CALCR: variants seen among roughly 807,000 people sequenced by gnomAD.
The protein encoded by CALCR is calcitonin receptor.
CALCR carries 47 observed loss-of-function variants against 59.5 expected under a neutral mutation model. The ratio of observed to expected loss-of-function variants is 0.79; its 90% confidence interval spans 0.63 to 1.01. The LOEUF is 1.01. CALCR is among the 50% of genes least tolerant of loss of function. CALCR has a pLI of 0.00. For missense variants in CALCR, 566 were observed against 597.1 expected (o/e 0.95, Z 0.54); for synonymous variants, 213 against 211.3 (o/e 1.01, Z -0.07).
At chr7:93,517,308 T>TTTTTTTTTCTTTTTTC (rs1801670009) in intron 2 of CALCR, among the ~76,000 whole-genome samples, 2 of 151,726 alleles carry the variant, frequency 1.3e-5, no homozygotes, top group African/African-American at 4.8e-5. Flanking sequence ...TGAGAACTTT[T>TTTTTTTTTCTTTTTTC]TTTTTTTAAT....
chr7:93,505,117 G>T (rs1801399011), intron 2 of CALCR, among the ~76,000 whole-genome samples: 1 of 151,760 alleles, frequency 6.6e-6, no homozygotes, highest in African/African-American at 2.4e-5. Flanking sequence ...TGCAATTCAA[G>T]CATATTTTCA....
At chr7:93,459,710 T>A (rs934854021) in intron 8 of CALCR, among the ~76,000 whole-genome samples, 1 of 152,108 alleles carries the variant, frequency 6.6e-6, no homozygotes. Flanking sequence ...GCAGCCAGGA[T>A]TGGAAATCAC....
intron 6 of CALCR, among the ~76,000 whole-genome samples, chr7:93,470,290 T>C (rs1442452803): frequency 2.0e-5 from 3 of 151,134 alleles, no homozygotes; most frequent in African/African-American, 7.3e-5. Context: ...CACACTCACC[T>C]ATCTTTTCTC....
At chr7:93,453,728 C>A (rs548226285) in intron 8 of CALCR, among the ~76,000 whole-genome samples, 1 of 151,784 alleles carries the variant, frequency 6.6e-6, no homozygotes, top group Non-Finnish European at 1.5e-5. Flanking sequence ...CCACCAAGAT[C>A]GGCCAAATGA....
At chr7:93,490,560 G>T (rs150293588) in intron 2 of CALCR, among the ~76,000 whole-genome samples, 3 of 151,596 alleles carry the variant, frequency 2.0e-5, no homozygotes, top group South Asian at 4.2e-4. Flanking sequence ...CAGCAAAGTC[G>T]CAGGATAAAA....
intron 2 of CALCR, among the ~76,000 whole-genome samples, chr7:93,529,608 C>G (rs572113419): frequency 3.6e-4 from 55 of 152,116 alleles, no homozygotes; most frequent in South Asian, 2.9e-3. Context: ...AGCCTATAGA[C>G]GTCAGATAGC....
chr7:93,486,935 A>T lies in CALCR; in HGVS notation c.47T>A (p.Leu16Gln). ...TSRCLALFLLLNHPTPILPAF... is the reference protein window; with the variant it reads ...TSRCLALFLLQNHPTPILPAF... Reference sequence around the variant, plus strand: ...GAATACTTTTGTTTTACTTACATTTAGAAGAAGAAACAGTGCCAAGCACCG... The same window carrying T: ...GAATACTTTTGTTTTACTTACATTTTGAAGAAGAAACAGTGCCAAGCACCG... The change falls in exon 3 of 14, where the codon CTA becomes CAA. Residue 16 changes from leucine to glutamine, a missense_variant. By Grantham distance (113) the Leu-to-Gln change is moderately radical (BLOSUM62 -2). Transcript: ENST00000426151. The T allele has an allele frequency of 6.3e-7, 1 of 1,576,668 alleles. No homozygotes were observed. Among genetic ancestry groups the T allele is most frequent in the East Asian group, 2.3e-5 (1 of 44,394 alleles).
intron 2 of CALCR, among the ~76,000 whole-genome samples, chr7:93,542,973 T>A (rs937147445): frequency 6.7e-6 from 1 of 150,274 alleles, no homozygotes; most frequent in African/African-American, 2.4e-5. Context: ...TTTTTTTTTT[T>A]AAGTAAGTAG....
intron 13 of CALCR, among the ~76,000 whole-genome samples, chr7:93,428,642 T>C (rs1422576290): frequency 1.3e-5 from 2 of 151,826 alleles, no homozygotes; most frequent in Non-Finnish European, 2.9e-5. Context: ...CTACTAAAAA[T>C]ACTAAGAATT....
At chr7:93,531,652 T>G (rs1470781720) in intron 2 of CALCR, among the ~76,000 whole-genome samples, 1 of 152,126 alleles carries the variant, frequency 6.6e-6, no homozygotes, top group Non-Finnish European at 1.5e-5. Flanking sequence ...ATTTACATTC[T>G]CTAACCCCTG....
rs1012958933 is a variant in CALCR at position 93,424,842 on chromosome 7, A to C, written c.*1514T>G. The C allele has an allele frequency of 6.6e-6, 1 of 152,556 alleles. No individual in the cohort carries two copies. The highest frequency in any genetic ancestry group is 2.4e-5 in the African/African-American group (1 of 41,442). 9.5% of individuals were successfully genotyped at this position (152,556 alleles called of 1,614,324 possible). A position where few individuals can be genotyped will look rare whatever the true frequency, so the allele number is the denominator to read the frequency against. The stretch of plus-strand genomic sequence containing the variant: ...CTTACATTCAGTAAAGGAGACTTAA[A>C]CTACTTTAGTATCCCAAATTCATTT... On this transcript the variant is annotated 3_prime_UTR_variant, in exon 14 of 14. Transcript: ENST00000426151.
intron 3 of CALCR, among the ~76,000 whole-genome samples, chr7:93,481,093 T>G (rs560913300): frequency 2.1e-4 from 32 of 151,912 alleles, no homozygotes; most frequent in African/African-American, 7.7e-4. Context: ...AGAAGAGCGG[T>G]AAGAATAATA....
Position 93,443,636 on chromosome 7 carries a change from T to A in CALCR, c.770A>T (p.Gln257Leu). ...CAAGAGATAATACCACCGCAAGCGT[T>A]GCTTCTCAGTAAACACAGCCACGAC... ...LIVVAVFTEK[Q>L]RLRWYYLLGW... is the part of the protein sequence containing the mutation. The change falls in exon 9 of 14, where the codon CAA (glutamine) becomes CTA (leucine). Residue 257 changes from glutamine to leucine, a missense_variant. Coordinates refer to ENST00000426151, the MANE Select transcript of CALCR (RefSeq NM_001742.4). The A allele has an allele frequency of 6.2e-7, 1 of 1,613,472 alleles. No individual in the cohort carries two copies. Among genetic ancestry groups the A allele is most frequent in the African/African-American group, 1.3e-5 (1 of 74,998 alleles).
intron 2 of CALCR, among the ~76,000 whole-genome samples, chr7:93,508,542 A>G (rs981428404): frequency 6.6e-6 from 1 of 152,204 alleles, no homozygotes; most frequent in African/African-American, 2.4e-5. Flanking sequence ...CATGTAGCAA[A>G]TAAGCAGAGT....
At chr7:93,441,257 A>G (rs1188690311) in intron 9 of CALCR, among the ~76,000 whole-genome samples, 1 of 152,172 alleles carries the variant, frequency 6.6e-6, no homozygotes, top group Non-Finnish European at 1.5e-5. Context: ...CAAAACTGGT[A>G]AAAGAAATAT....
chr7:93,542,222 C>A (rs945895291), intron 2 of CALCR, among the ~76,000 whole-genome samples: 2 of 152,132 alleles, frequency 1.3e-5, no homozygotes, highest in African/African-American at 4.8e-5. Flanking sequence ...ATATAGCTTA[C>A]TACACACCTT....
At chr7:93,522,645 G>A (rs906518224) in intron 2 of CALCR, among the ~76,000 whole-genome samples, 1 of 152,134 alleles carries the variant, frequency 6.6e-6, no homozygotes, top group Admixed American at 6.5e-5. Context: ...GAATCTAAGT[G>A]AGTCAAAAAG....
chr7:93,489,824 A>G (rs1042766996), intron 2 of CALCR, among the ~76,000 whole-genome samples: 1 of 152,032 alleles, frequency 6.6e-6, no homozygotes, highest in Non-Finnish European at 1.5e-5. Context: ...GAATTCTACC[A>G]GAGTTACAAA....
intron 2 of CALCR, among the ~76,000 whole-genome samples, chr7:93,533,045 GTGATGCCAATTTTCTCA>G (rs1245849999): frequency 6.6e-6 from 1 of 151,720 alleles, no homozygotes; most frequent in Non-Finnish European, 1.5e-5. Context: ...GAGGATAAAG[GTGATGCCAATTTTCTCA>G]TTTTTATCCT....
Sources: allele counts gnomAD v4.1 joint callset (sites outside exome capture counted in the v4.1 genomes callset), GRCh38; gene constraint gnomAD v4.1.1; transcripts MANE v1.5; gene names NCBI Gene and HGNC (gene_info 2026-07-23, HGNC 2026-07-21).